TMEM108: variants seen among roughly 807,000 people sequenced by gnomAD.
TMEM108 encodes the protein cancer/testis antigen 124.
A neutral mutation model predicts 35.1 loss-of-function variants in TMEM108; 12 were observed. The ratio of observed to expected loss-of-function variants is 0.34; its 90% CI spans 0.22 to 0.55. TMEM108 has a LOEUF of 0.55. TMEM108 is among the 20% of genes least tolerant of loss of function. The probability of loss-of-function intolerance (pLI) is 0.89; values close to 1 mark genes in which losing one functional copy is unlikely to be tolerated. For synonymous variants in TMEM108, 287 were observed against 308.6 expected, an observed-to-expected ratio of 0.93 and a Z score of 0.73; for missense variants, 680 against 753.3, an observed-to-expected ratio of 0.90 and a Z score of 1.14.
intron 2 of TMEM108, among the ~76,000 whole-genome samples, chr3:133,055,022 CT>C (rs1485479692): frequency 1.3e-5 from 2 of 152,184 alleles, no homozygotes; most frequent in Admixed American, 1.3e-4. Context: ...TTGGGATCAA[CT>C]TTCTCAACCC....
chr3:133,210,234 C>T (rs749332050), intron 2 of TMEM108, among the ~76,000 whole-genome samples: 1 of 152,186 alleles, frequency 6.6e-6, no homozygotes, highest in Non-Finnish European at 1.5e-5. Flanking sequence ...GTTCTCAACC[C>T]AACTATACAG....
intron 2 of TMEM108, among the ~76,000 whole-genome samples, chr3:133,196,338 T>G (rs1002252026): frequency 6.6e-6 from 1 of 152,196 alleles, no homozygotes; most frequent in African/African-American, 2.4e-5. Context: ...ACGTAGCCTA[T>G]GAGCTTGGAG....
At chr3:133,266,295 T>C (rs4854706) in intron 3 of TMEM108, among the ~76,000 whole-genome samples, 51,290 of 152,108 alleles carry the variant, frequency 0.34, 9,050 homozygotes, top group East Asian at 0.48. Context: ...TGAATATCAA[T>C]ATTGGTATGA....
intron 3 of TMEM108, among the ~76,000 whole-genome samples, chr3:133,308,738 C>G (rs575870301): frequency 6.6e-6 from 1 of 152,118 alleles, no homozygotes; most frequent in South Asian, 2.1e-4. Context: ...ATAAGCTTTT[C>G]GATGTGCTGC....
intron 3 of TMEM108, among the ~76,000 whole-genome samples, chr3:133,282,424 C>T (rs913842317): frequency 5.9e-5 from 9 of 152,256 alleles, no homozygotes; most frequent in African/African-American, 1.9e-4. Context: ...TACAGGATCA[C>T]AGTCTCATTT....
At chr3:133,298,166 C>A (rs1462966638) in intron 3 of TMEM108, among the ~76,000 whole-genome samples, 1 of 152,104 alleles carries the variant, frequency 6.6e-6, no homozygotes, top group African/African-American at 2.4e-5. Context: ...CTGATGAAAC[C>A]TCTCTCTTCA....
rs550594838 is a variant in TMEM108, at chr3:133,332,068, G to A, written c.41-47684G>A. ...CTTGTGCACATGTGTGCTTGTGCGC[G>A]TGCGTGCGCACGTGCACACACACAC... On this transcript the variant is annotated intron_variant, in intron 3 of 5. Coordinates refer to ENST00000321871, the MANE Select transcript of TMEM108 (RefSeq NM_023943.4). Among the ~76,000 whole-genome samples, 204 of 132,316 alleles carry A rather than the reference G, an allele frequency of 1.5e-3. 3 individuals are homozygous for A. Among genetic ancestry groups the A allele is most frequent in the African/African-American group, 4.2e-3 (143 of 33,738 alleles). The allele number at this position is 132,316 out of a possible 152,430, so 86.8% of individuals were successfully genotyped here. A position where few individuals can be genotyped will look rare whatever the true frequency, so the allele number is the denominator to read the frequency against.
At chr3:133,161,448 T>C (rs1944960432) in intron 2 of TMEM108, among the ~76,000 whole-genome samples, 1 of 152,212 alleles carries the variant, frequency 6.6e-6, no homozygotes. Context: ...TGTCCTGTTC[T>C]GTTGTATCTC....
chr3:133,195,974 G>A (rs779416609), intron 2 of TMEM108, among the ~76,000 whole-genome samples: 14 of 152,192 alleles, frequency 9.2e-5, no homozygotes, highest in Non-Finnish European at 1.2e-4. Context: ...AGATAGATAT[G>A]TCTCACCTTT....
At chr3:133,317,614 C>T (rs1322115045) in intron 3 of TMEM108, among the ~76,000 whole-genome samples, 2 of 152,122 alleles carry the variant, frequency 1.3e-5, no homozygotes, top group African/African-American at 4.8e-5. Context: ...ATAGTAATTG[C>T]TTGCAACCTT....
intron 3 of TMEM108, among the ~76,000 whole-genome samples, chr3:133,373,833 G>GT (rs2072752087): frequency 6.6e-6 from 1 of 151,926 alleles, no homozygotes; most frequent in Admixed American, 6.5e-5. Flanking sequence ...GCTTAAAGCA[G>GT]TAACAATCAT....
chr3:133,393,639 A>G (rs2073266137), intron 5 of TMEM108, among the ~76,000 whole-genome samples: 1 of 152,228 alleles, frequency 6.6e-6, no homozygotes, highest in African/African-American at 2.4e-5. Context: ...CACATTTTGC[A>G]TGGAAAAGGT....
At chr3:133,187,556 C>G (rs1225922518) in intron 2 of TMEM108, among the ~76,000 whole-genome samples, 1 of 152,132 alleles carries the variant, frequency 6.6e-6, no homozygotes, top group East Asian at 1.9e-4. Flanking sequence ...TCAAGACCAG[C>G]CTGGCCAACA....
At chr3:133,171,739 A>G (rs138734561) in intron 2 of TMEM108, among the ~76,000 whole-genome samples, 28 of 152,232 alleles carry the variant, frequency 1.8e-4, no homozygotes, top group Admixed American at 4.6e-4. Context: ...AGAGCATAAA[A>G]TTTACTTAAA....
chr3:133,355,294 T>C (rs1383478079), intron 3 of TMEM108, among the ~76,000 whole-genome samples: 2 of 152,204 alleles, frequency 1.3e-5, no homozygotes, highest in East Asian at 1.9e-4. Context: ...TCTAGGCTTA[T>C]GTTGTTAGAG....
intron 3 of TMEM108, among the ~76,000 whole-genome samples, chr3:133,305,464 T>C (rs1187221933): frequency 6.6e-6 from 1 of 151,758 alleles, no homozygotes; most frequent in Non-Finnish European, 1.5e-5. Context: ...TGTATACATA[T>C]GTAACTAACC....
chr3:133,378,803 CTTTT>C (rs34139600), intron 3 of TMEM108, among the ~76,000 whole-genome samples: 5 of 134,410 alleles, frequency 3.7e-5, no homozygotes, highest in Non-Finnish European at 6.4e-5. Flanking sequence ...ATACAAAATC[CTTTT>C]TTTTTTTTTT....
chr3:133,280,666 A>G (rs1339311570), intron 3 of TMEM108, among the ~76,000 whole-genome samples: 1 of 152,224 alleles, frequency 6.6e-6, no homozygotes, highest in African/African-American at 2.4e-5. Flanking sequence ...TTAGTGGCTT[A>G]AAACAACCAT....
intron 2 of TMEM108, among the ~76,000 whole-genome samples, chr3:133,151,928 G>C (rs1478561556): frequency 6.6e-6 from 1 of 152,274 alleles, no homozygotes; most frequent in South Asian, 2.1e-4. Context: ...CCGAGTAAGA[G>C]AATGGAGAGT....
Sources: gnomAD v4.1 joint callset for allele counts (sites outside exome capture counted in the v4.1 genomes callset) on GRCh38, gnomAD v4.1.1 for gene constraint, MANE v1.5 for transcripts, NCBI Gene and HGNC (gene_info 2026-07-23, HGNC 2026-07-21) for gene names.